The following TRRAP variants were observed in gnomAD, a reference collection of about 807,000 sequenced individuals.
The protein encoded by TRRAP is transformation/transcription domain associated protein.
A neutral mutation model predicts 438.8 loss-of-function variants in TRRAP; 41 were observed. The ratio of observed to expected loss-of-function variants is 0.09; its 90% CI spans 0.07 to 0.12. TRRAP has a LOEUF of 0.12. Ranked by LOEUF, TRRAP falls within the 10% of genes least tolerant of loss-of-function variation. The pLI is 1.00. For missense variants in TRRAP, 3,122 were observed against 5,055.1 expected, an observed-to-expected ratio of 0.62 and a Z score of 11.60; for synonymous variants, 1,994 against 1,962.9, an observed-to-expected ratio of 1.02 and a Z score of -0.42.
chr7:98,939,943 G>A (rs1296129834), intron 30 of TRRAP, among the ~76,000 whole-genome samples: 1 of 152,108 alleles, frequency 6.6e-6, no homozygotes, highest in African/African-American at 2.4e-5. Flanking sequence ...GTGCAGTGGT[G>A]TGATCTCGTC....
At position 98,902,054 on chromosome 7, in the gene TRRAP, C is replaced by G. The variant is rs554637806; in HGVS notation, c.898-1325C>G. On this transcript the variant is annotated intron_variant, in intron 11 of 72. Transcript: ENST00000456197. ...ACCACGATTGTACTTTCTGTCTTTA[C>G]GGATTTGCCTGTTTCATTTTTGGCC... Among the ~76,000 whole-genome samples the G allele has an allele frequency of 1.3e-4, 20 of 152,296 alleles. 1 individual carries two copies. The South Asian group carries it at 4.1e-3, about 32-fold the overall frequency.
At chr7:98,964,877 A>G in intron 48 of TRRAP, 102 bp downstream of exon 48, 1 of 1,373,032 alleles carries the variant, frequency 7.3e-7, no homozygotes, top group Non-Finnish European at 9.7e-7. Context: ...ATGTGCATTC[A>G]CCAAGTCCTG....
chr7:98,915,262 G>C (rs1345624423), intron 18 of TRRAP, among the ~76,000 whole-genome samples: 2 of 151,782 alleles, frequency 1.3e-5, no homozygotes, highest in Non-Finnish European at 2.9e-5. Flanking sequence ...GTGCCATCTC[G>C]GCTCACTGCA....
chr7:98,936,208 GT>G (rs1790548285), intron 28 of TRRAP, among the ~76,000 whole-genome samples: 1 of 152,120 alleles, frequency 6.6e-6, no homozygotes, highest in Non-Finnish European at 1.5e-5. Context: ...AACTTTTTTG[GT>G]TGACTCTCTC....
chr7:98,906,321 T>C (rs1796725345), intron 13 of TRRAP, 66 bp downstream of exon 13: 2 of 1,310,034 alleles, frequency 1.5e-6, no homozygotes, highest in Admixed American at 1.8e-5. Context: ...TGGCACTTCA[T>C]GTTACAAGTG....
chr7:98,897,068 C>T (rs1562930244), intron 7 of TRRAP, among the ~76,000 whole-genome samples: 1 of 152,070 alleles, frequency 6.6e-6, no homozygotes. Flanking sequence ...AACCCCGTCT[C>T]TACTAAAAAT....
chr7:98,946,072 T>A (rs1791043664), intron 33 of TRRAP, 122 bp downstream of exon 33: 1 of 1,016,358 alleles, frequency 9.8e-7, no homozygotes, highest in Non-Finnish European at 1.3e-6. Flanking sequence ...TGCAGTGACC[T>A]GTATTGTCTG....
rs1003829484 is a variant in TRRAP at position 98,965,571 on chromosome 7, A to G, written c.6977-125A>G. The G allele has an allele frequency of 8.4e-5, 105 of 1,255,000 alleles. 1 individual carries two copies. Among genetic ancestry groups the G allele is most frequent in the Non-Finnish European group, 1.1e-4 (100 of 880,708 alleles). The allele number at this position is 1,255,000 out of a possible 1,614,324, so 77.7% of individuals were successfully genotyped here. ...TGAGTGCTTCAAATCCCAGAGCTCT[A>G]GTTGCAGGAAAAAACATTGAGGGGG... On this transcript the variant is annotated intron_variant, in intron 48 of 72. Coordinates refer to ENST00000456197, the MANE Select transcript of TRRAP (RefSeq NM_001375524.1).
intron 38 of TRRAP, among the ~76,000 whole-genome samples, 191 bp from the exon 39 acceptor site, chr7:98,950,685 A>T (rs1791294908): frequency 6.6e-6 from 1 of 152,170 alleles, no homozygotes; most frequent in Non-Finnish European, 1.5e-5. Context: ...CCAGGCTGAC[A>T]TCTCTTTTCC....
At chr7:99,003,080 G>T (rs1249659091) in intron 67 of TRRAP, among the ~76,000 whole-genome samples, 1 of 152,198 alleles carries the variant, frequency 6.6e-6, no homozygotes, top group African/African-American at 2.4e-5. Context: ...CAGCCCTGGG[G>T]ACGGTGCCTC....
intron 3 of TRRAP, among the ~76,000 whole-genome samples, chr7:98,883,522 A>G (rs1795557950): frequency 6.6e-6 from 1 of 152,072 alleles, no homozygotes; most frequent in African/African-American, 2.4e-5. Flanking sequence ...TTGTCTAGTA[A>G]TTTATATATT....
chr7:98,989,549 C>T (rs965184227), intron 63 of TRRAP, among the ~76,000 whole-genome samples: 1 of 152,350 alleles, frequency 6.6e-6, no homozygotes. Flanking sequence ...AAATTGTTCC[C>T]TTTCCTATTT....
intron 1 of TRRAP, among the ~76,000 whole-genome samples, chr7:98,879,987 TC>T (rs1479540075): frequency 6.6e-6 from 1 of 152,166 alleles, no homozygotes; most frequent in African/African-American, 2.4e-5. Flanking sequence ...TTCACCAGCT[TC>T]TCGGGATACT....
intron 23 of TRRAP, 32 bp from the exon 24 acceptor site, chr7:98,929,957 G>C (rs1562946635): frequency 6.2e-7 from 1 of 1,608,340 alleles, no homozygotes; most frequent in East Asian, 2.2e-5. Context: ...GGACAAGACT[G>C]TTCTCACGTG....
intron 43 of TRRAP, 39 bp from the exon 44 acceptor site, chr7:98,957,942 T>C (rs782684989): frequency 1.3e-6 from 2 of 1,580,670 alleles, no homozygotes; most frequent in Non-Finnish European, 1.7e-6. Flanking sequence ...AAATTAGTGT[T>C]GCGATTCTCT....
chr7:98,970,080 T>C (rs761427542), intron 51 of TRRAP, 32 bp from the exon 52 acceptor site: 1 of 1,610,220 alleles, frequency 6.2e-7, no homozygotes, highest in Admixed American at 1.7e-5. Flanking sequence ...CGCGCATGCC[T>C]TGGGTCTGTC....
At chr7:98,952,843 A>G (rs782070990) in intron 39 of TRRAP, among the ~76,000 whole-genome samples, 1 of 151,976 alleles carries the variant, frequency 6.6e-6, no homozygotes, top group Non-Finnish European at 1.5e-5. Context: ...CAGATCGTTA[A>G]CCTTTCATCT....
intron 40 of TRRAP, 94 bp from the exon 41 acceptor site, chr7:98,955,004 T>C: frequency 7.4e-7 from 1 of 1,345,666 alleles, no homozygotes; most frequent in Non-Finnish European, 1.0e-6. Context: ...AAAATTGTTT[T>C]GGAAAAGTAG....
rs781840815 is a variant in TRRAP, at chr7:98,955,253, C to T, written c.5886C>T (p.His1962=). 6.2e-7 allele frequency: 1 copy of T among 1,614,148 alleles called. No individual in the cohort carries two copies. The highest frequency in any genetic ancestry group is 8.5e-7 in the Non-Finnish European group (1 of 1,179,992). ...GGAAGATCATTGTGGAGGAGGGGCA[C>T]ACCGTCCCGCAGCTGGTCCACATTC... The part of the protein sequence containing the change: ...WTRKIIVEEG[H]TVPQLVHILH... Residue 1962 remains histidine, a synonymous_variant, in exon 41 of 73, where the codon CAC becomes CAT. Transcript: ENST00000456197.
Sources: allele counts gnomAD v4.1 joint callset (sites outside exome capture counted in the v4.1 genomes callset), GRCh38; gene constraint gnomAD v4.1.1; transcripts MANE v1.5; gene names NCBI Gene and HGNC (gene_info 2026-07-23, HGNC 2026-07-21).